MBNL2: variants seen among roughly 807,000 people sequenced by gnomAD.
MBNL2 encodes muscleblind-like protein 2.
Under a neutral mutation model 41.9 loss-of-function variants are expected in MBNL2, and 17 were observed. The observed-to-expected ratio is 0.41, with a 90% confidence interval of 0.28 to 0.61. MBNL2 has a LOEUF of 0.61. MBNL2 is among the 20% of genes least tolerant of loss of function. MBNL2 has a pLI of 0.35. For missense variants in MBNL2, 336 were observed against 505.6 expected (o/e 0.66, Z 3.22); for synonymous variants, 195 against 182.9 (o/e 1.07, Z -0.53).
chr13:97,278,567 C>A (rs191660850), intron 2 of MBNL2, among the ~76,000 whole-genome samples: 165 of 152,270 alleles, frequency 1.1e-3, no homozygotes, highest in East Asian at 3.1e-3. Flanking sequence ...TTCATCACAT[C>A]ACTTTGGATT....
At chr13:97,168,286 CAAATG>C in the MBNL2 span, among the ~76,000 whole-genome samples, 1 of 152,110 alleles carries the variant, frequency 6.6e-6, no homozygotes, top group African/African-American at 2.4e-5. Context: ...TAATTAAAAA[CAAATG>C]TAATCCAGAA....
intron 8 of MBNL2, among the ~76,000 whole-genome samples, chr13:97,370,397 C>T (rs1416638990): frequency 2.0e-5 from 3 of 152,132 alleles, no homozygotes; most frequent in African/African-American, 7.2e-5. Context: ...GGGCCAGGCG[C>T]AGTGGCTCAT....
At chr13:97,280,785 G>C (rs370109787) in intron 2 of MBNL2, among the ~76,000 whole-genome samples, 2 of 152,338 alleles carry the variant, frequency 1.3e-5, no homozygotes, top group African/African-American at 4.8e-5. Context: ...TCTTTCCTCT[G>C]TTTGGAATAC....
rs1454004839 is a variant in MBNL2, at chr13:97,392,660, C to T, written c.*1211C>T. ...ACTTGGTTGATCTTCAAGGTAATAG[C>T]GATACAATTAAATTTTGTTCAGAAA... On this transcript the variant is annotated 3_prime_UTR_variant, in exon 9 of 9. Coordinates refer to ENST00000679496, the MANE Select transcript of MBNL2 (RefSeq NM_001382683.1). 2.6e-5 allele frequency: 4 copies of T among 152,098 alleles called. No individual in the cohort carries two copies. Among genetic ancestry groups the T allele is most frequent in the East Asian group, 1.9e-4 (1 of 5,178 alleles). 9.4% of individuals were successfully genotyped at this position (152,098 alleles called of 1,614,324 possible).
At chr13:97,151,186 G>A in the MBNL2 span, among the ~76,000 whole-genome samples, 3 of 152,208 alleles carry the variant, frequency 2.0e-5, no homozygotes, top group African/African-American at 7.2e-5. Context: ...AAGCCAGGAA[G>A]CAAACTGAAT....
intron 1 of MBNL2, among the ~76,000 whole-genome samples, chr13:97,250,150 G>A (rs2046243947): frequency 6.6e-6 from 1 of 152,030 alleles, no homozygotes; most frequent in Admixed American, 6.6e-5. Context: ...ATAATTCTTA[G>A]GTTGAATCTT....
intron 1 of MBNL2, among the ~76,000 whole-genome samples, chr13:97,262,728 C>A (rs9584536): frequency 0.012 from 1,867 of 152,090 alleles, 39 homozygotes; most frequent in African/African-American, 0.041. Flanking sequence ...CTTCTGCACA[C>A]ACAGGACCCA....
At position 97,346,719 on chromosome 13, in the gene MBNL2, TC is replaced by T; in HGVS notation, c.541-83del. ...AGCCACCATTGAAAGCGAGGCAGCC[TC>T]CGCTCCTCCCGCGGTGGCCGGGGCC... On this transcript the variant is annotated intron_variant, in intron 4 of 8. Transcript: ENST00000679496. The surrounding 1 kb of genome is among the most constrained non-coding windows in gnomAD (Gnocchi z 4.2). The T allele has an allele frequency of 2.6e-6, 3 of 1,136,152 alleles. No individual in the cohort carries two copies. In the African/African-American group the frequency reaches 4.6e-5, roughly 18 times the overall value. The allele number at this position is 1,136,152 out of a possible 1,614,324, so 70.4% of individuals were successfully genotyped here.
chr13:97,146,706 T>A, the MBNL2 span, among the ~76,000 whole-genome samples: 1 of 150,288 alleles, frequency 6.7e-6, no homozygotes, highest in East Asian at 1.9e-4. Flanking sequence ...TATTCTTCCC[T>A]CCTACCCAAA....
chr13:97,293,851 CAT>C (rs1307738799), intron 2 of MBNL2, among the ~76,000 whole-genome samples: 1 of 151,882 alleles, frequency 6.6e-6, no homozygotes, highest in Non-Finnish European at 1.5e-5. Flanking sequence ...TATTTGGTTA[CAT>C]GAGTAAGTTC....
At chr13:97,225,255 G>T (rs1381419502) in intron 1 of MBNL2, among the ~76,000 whole-genome samples, 5 of 152,186 alleles carry the variant, frequency 3.3e-5, no homozygotes, top group Admixed American at 2.0e-4. Flanking sequence ...GAGCTTAAGA[G>T]AATTCCTTAT....
At chr13:97,181,085 C>G in the MBNL2 span, among the ~76,000 whole-genome samples, 2 of 151,962 alleles carry the variant, frequency 1.3e-5, no homozygotes, top group Non-Finnish European at 2.9e-5. Context: ...CTCTCTCTCT[C>G]TCTCTCTCTC....
At chr13:97,144,586 C>T in the MBNL2 span, among the ~76,000 whole-genome samples, 72 of 151,858 alleles carry the variant, frequency 4.7e-4, no homozygotes, top group African/African-American at 1.6e-3. Flanking sequence ...TGTGCCACCA[C>T]GCCTGGCTAA....
At chr13:97,304,856 C>T (rs1319444769) in intron 2 of MBNL2, among the ~76,000 whole-genome samples, 4 of 152,194 alleles carry the variant, frequency 2.6e-5, no homozygotes, top group Non-Finnish European at 4.4e-5. Context: ...TATAGTGTTA[C>T]TTCCACAACA....
chr13:97,218,128 C>T (rs563931598), upstream of MBNL2, among the ~76,000 whole-genome samples: 13 of 152,062 alleles, frequency 8.5e-5, no homozygotes, highest in South Asian at 2.1e-4. Context: ...AGAATTGGGC[C>T]GGCTGGGCAC....
chr13:97,322,731 C>A (rs1338668104), intron 2 of MBNL2, among the ~76,000 whole-genome samples: 1 of 152,172 alleles, frequency 6.6e-6, no homozygotes, highest in Non-Finnish European at 1.5e-5. Flanking sequence ...CTTCCCTATT[C>A]CTGTCTCCAT....
chr13:97,161,615 G>T, the MBNL2 span, among the ~76,000 whole-genome samples: 3 of 152,166 alleles, frequency 2.0e-5, no homozygotes, highest in Admixed American at 2.0e-4. Flanking sequence ...TGAGCAGAAA[G>T]TTTAAGCATC....
intron 8 of MBNL2, among the ~76,000 whole-genome samples, chr13:97,388,335 A>ATATATATC (rs1566457218): frequency 6.7e-6 from 1 of 149,652 alleles, no homozygotes; most frequent in South Asian, 2.1e-4. Context: ...ATATATATAT[A>ATATATATC]TCATTGGTAT....
At chr13:97,340,661 G>A (rs1349686437) in intron 3 of MBNL2, among the ~76,000 whole-genome samples, 1 of 152,114 alleles carries the variant, frequency 6.6e-6, no homozygotes, top group African/African-American at 2.4e-5. Context: ...TCCTCCCCAG[G>A]TTAATGAGTA....
Sources: allele counts gnomAD v4.1 joint callset (sites outside exome capture counted in the v4.1 genomes callset), GRCh38; gene constraint gnomAD v4.1.1; non-coding constraint Gnocchi (gnomAD v3.1); transcripts MANE v1.5; gene names NCBI Gene and HGNC (gene_info 2026-07-23, HGNC 2026-07-21).